Variants in SPMIP7 observed in about 807,000 individuals in gnomAD.
The protein encoded by SPMIP7 is protein SPMIP7.
chr7:50,118,382 A>T, the SPMIP7 span, among the ~76,000 whole-genome samples: 1 of 152,214 alleles, frequency 6.6e-6, no homozygotes, highest in Non-Finnish European at 1.5e-5. Context: ...TATCAAATTG[A>T]TAAAATGGTT....
the SPMIP7 span, among the ~76,000 whole-genome samples, chr7:50,155,117 T>A: frequency 5.3e-5 from 8 of 152,246 alleles, no homozygotes; most frequent in Non-Finnish European, 1.0e-4. Context: ...GGTTCCCAAA[T>A]ATTTTCCCCC....
At chr7:50,156,492 C>A in the SPMIP7 span, among the ~76,000 whole-genome samples, 2 of 151,910 alleles carry the variant, frequency 1.3e-5, no homozygotes, top group Non-Finnish European at 2.9e-5. Flanking sequence ...TAATGCCATT[C>A]CTGTGGTGGC....
chr7:50,153,301 A>C, the SPMIP7 span, among the ~76,000 whole-genome samples: 2 of 152,158 alleles, frequency 1.3e-5, no homozygotes, highest in Admixed American at 1.3e-4. Context: ...CAGCTTCTTA[A>C]AACTTTCAGA....
chr7:50,113,483 G>GA, the SPMIP7 span, among the ~76,000 whole-genome samples: 1 of 152,068 alleles, frequency 6.6e-6, no homozygotes, highest in Admixed American at 6.6e-5. Context: ...ACCATGATGA[G>GA]AACAAGGGAT....
chr7:50,122,561 C>T, the SPMIP7 span, among the ~76,000 whole-genome samples: 1 of 151,048 alleles, frequency 6.6e-6, no homozygotes, highest in Non-Finnish European at 1.5e-5. Context: ...CCAAAATTGA[C>T]AAATGGGATC....
the SPMIP7 span, among the ~76,000 whole-genome samples, chr7:50,145,973 G>A: frequency 1.3e-5 from 2 of 152,060 alleles, no homozygotes; most frequent in African/African-American, 4.8e-5. Context: ...CAAATAAAGA[G>A]GAATTGTCCA....
chr7:50,145,253 T>C, the SPMIP7 span, among the ~76,000 whole-genome samples: 2 of 151,160 alleles, frequency 1.3e-5, no homozygotes, highest in African/African-American at 2.4e-5. Context: ...ACAGAGGCCC[T>C]GTCTCAAAAA....
the SPMIP7 span, among the ~76,000 whole-genome samples, chr7:50,123,720 G>A: frequency 3.4e-4 from 51 of 151,906 alleles, no homozygotes; most frequent in Non-Finnish European, 5.9e-4. Flanking sequence ...ATGTAAAGAA[G>A]TATAGTTAAA....
the SPMIP7 span, chr7:50,121,317 A>G: frequency 1.3e-5 from 2 of 152,216 alleles, no homozygotes; most frequent in Non-Finnish European, 2.9e-5. Flanking sequence ...CGTATGTAAT[A>G]AACTGTAATC....
At chr7:50,115,928 CCTCTTTCACGTT>C in the SPMIP7 span, among the ~76,000 whole-genome samples, 2 of 152,066 alleles carry the variant, frequency 1.3e-5, no homozygotes, top group African/African-American at 4.8e-5. Context: ...GCAAGTATGT[CCTCTTTCACGTT>C]CTCTTTTCTC....
chr7:50,159,226 G>T, the SPMIP7 span: 13 of 1,530,986 alleles, frequency 8.5e-6, no homozygotes, highest in African/African-American at 9.7e-5. Context: ...CTTGTGCGGC[G>T]GTGGGAAATA....
chr7:50,139,135 G>A, the SPMIP7 span, among the ~76,000 whole-genome samples: 4 of 151,960 alleles, frequency 2.6e-5, no homozygotes, highest in African/African-American at 7.2e-5. Flanking sequence ...CAGATCACGA[G>A]GTCAGGAGAT....
At chr7:50,117,466 A>G in the SPMIP7 span, 2 of 260,532 alleles carry the variant, frequency 7.7e-6, no homozygotes, top group Admixed American at 4.4e-5. Context: ...TGTATTTGTC[A>G]GCAAATAGAT....
the SPMIP7 span, among the ~76,000 whole-genome samples, chr7:50,134,838 G>T: frequency 6.6e-6 from 1 of 152,156 alleles, no homozygotes; most frequent in South Asian, 2.1e-4. Flanking sequence ...CGTAATGTGT[G>T]AATCTGTTTG....
At chr7:50,112,352 G>T in the SPMIP7 span, among the ~76,000 whole-genome samples, 3 of 152,142 alleles carry the variant, frequency 2.0e-5, no homozygotes, top group East Asian at 3.9e-4. Flanking sequence ...CCTTGGCATG[G>T]TCAGAATTTT....
chr7:50,155,863 C>T, the SPMIP7 span, among the ~76,000 whole-genome samples: 1 of 148,026 alleles, frequency 6.8e-6, no homozygotes, highest in Non-Finnish European at 1.5e-5. Context: ...ACATACAGCT[C>T]TCATCCATGG....
At chr7:50,109,017 A>C in the SPMIP7 span, among the ~76,000 whole-genome samples, 3 of 152,172 alleles carry the variant, frequency 2.0e-5, no homozygotes, top group African/African-American at 7.2e-5. Context: ...AATTACTAGC[A>C]CTTAATTTCA....
chr7:50,129,770 A>G, the SPMIP7 span: 2 of 1,548,498 alleles, frequency 1.3e-6, no homozygotes, highest in Non-Finnish European at 1.7e-6. Context: ...CAAAGGACTC[A>G]TTTTACAAGT....
chr7:50,154,529 G>A, the SPMIP7 span, among the ~76,000 whole-genome samples: 1 of 152,170 alleles, frequency 6.6e-6, no homozygotes, highest in African/African-American at 2.4e-5. Context: ...TTAGCAAAAT[G>A]ACTTCCAGGT....
Sources: gnomAD v4.1 joint callset for allele counts (sites outside exome capture counted in the v4.1 genomes callset) on GRCh38, gnomAD v4.1.1 for gene constraint, MANE v1.5 for transcripts, NCBI Gene and HGNC (gene_info 2026-07-23, HGNC 2026-07-21) for gene names.